STAC2: variants seen among roughly 807,000 people sequenced by gnomAD.
STAC2 encodes the protein SH3 and cysteine rich domain 2, also known as SH3 and cysteine-rich domain-containing protein 2.
STAC2 carries 36 observed loss-of-function variants against 49.0 expected under a neutral mutation model. The observed-to-expected ratio is 0.74, with a 90% CI of 0.56 to 0.97. The LOEUF (loss-of-function observed/expected upper bound fraction) is 0.97, where lower values mean the gene tolerates loss of function less well. STAC2 is among the 50% of genes least tolerant of loss of function. The pLI, the probability that STAC2 is intolerant of heterozygous loss-of-function variation, is 0.00. For synonymous variants in STAC2, 239 were observed against 214.7 expected (o/e 1.11, Z -0.99); for missense variants, 527 against 543.8 (o/e 0.97, Z 0.31).
chr17:39,224,363 G>A (rs954656155), intron 1 of STAC2, among the ~76,000 whole-genome samples: 7 of 152,196 alleles, frequency 4.6e-5, no homozygotes, highest in African/African-American at 1.7e-4. Context: ...CTGGGAGGTG[G>A]CAGGGCGCGC....
chr17:39,222,189 G>C (rs1342975572), intron 1 of STAC2, among the ~76,000 whole-genome samples: 1 of 152,120 alleles, frequency 6.6e-6, no homozygotes. Flanking sequence ...TGTTTCCATA[G>C]TAATCCTCAT....
At chr17:39,216,928 T>C (rs2144240160) in intron 3 of STAC2, 28 bp from the exon 4 acceptor site, 1 of 1,587,216 alleles carries the variant, frequency 6.3e-7, no homozygotes. Context: ...AGAGAGGTTT[T>C]GAGGAGGTCA....
rs558471759 is a variant in STAC2, at chr17:39,215,100, C to G, written c.699+18G>C. The G allele has an allele frequency of 2.5e-6, 4 of 1,614,084 alleles. No homozygotes were observed. The highest frequency in any genetic ancestry group is 2.5e-6 in the Non-Finnish European group (3 of 1,180,024). ...AGACACCCCTCCCCAAAAGACCCCC[C>G]CTTTTTGCCCACCATACCAGGCTCC... On this transcript the variant is annotated intron_variant, in intron 5 of 10. Coordinates refer to ENST00000333461, the MANE Select transcript of STAC2 (RefSeq NM_198993.5).
chr17:39,221,067 A>G (rs1364219240), intron 1 of STAC2, among the ~76,000 whole-genome samples: 4 of 151,372 alleles, frequency 2.6e-5, no homozygotes, highest in Non-Finnish European at 5.9e-5. Context: ...AAGTGCTAGG[A>G]TTACAGGCGT....
intron 9 of STAC2, 29 bp from the exon 10 acceptor site, chr17:39,213,161 G>T (rs538672427): frequency 1.2e-6 from 2 of 1,601,364 alleles, no homozygotes; most frequent in Non-Finnish European, 1.7e-6. Flanking sequence ...ATGAACACCC[G>T]CGCCACACCC....
intron 9 of STAC2, 88 bp downstream of exon 9, chr17:39,213,419 G>A: frequency 6.6e-7 from 1 of 1,515,238 alleles, no homozygotes; most frequent in Non-Finnish European, 9.0e-7. Context: ...TTTGGGGCCT[G>A]GAGAGAAGGT....
chr17:39,220,953 C>T (rs1483996975), intron 1 of STAC2, among the ~76,000 whole-genome samples: 26 of 151,404 alleles, frequency 1.7e-4, no homozygotes, highest in Non-Finnish European at 3.4e-4. Context: ...CCCGCCACCA[C>T]GCCTGGCTAA....
At chr17:39,213,643 A>G in intron 8 of STAC2, 85 bp from the exon 9 acceptor site, 1 of 1,178,370 alleles carries the variant, frequency 8.5e-7, no homozygotes, top group African/African-American at 1.6e-5. Context: ...CCTGGGGGAC[A>G]CTGCAGTCCT....
chr17:39,213,138 G>T lies in STAC2; in HGVS notation c.994-6C>A. On this transcript the variant is annotated splice_region_variant and splice_polypyrimidine_tract_variant and intron_variant, in intron 9 of 10. Transcript: ENST00000333461. ...ACCCGGTCGCCGATCTTGCCCTGGG[G>T]ATGAGGTTGGCAATGAACACCCGCG... 6.2e-7 allele frequency: 1 copy of T among 1,605,464 alleles called. No individual in the cohort carries two copies. Among genetic ancestry groups the T allele is most frequent in the Non-Finnish European group, 8.5e-7 (1 of 1,179,974 alleles).
At chr17:39,213,208 G>T in intron 9 of STAC2, 76 bp from the exon 10 acceptor site, 1 of 1,578,690 alleles carries the variant, frequency 6.3e-7, no homozygotes, top group Non-Finnish European at 8.6e-7. Flanking sequence ...TCCAGACCCG[G>T]TTCCCACTCA....
chr17:39,214,293 A>T lies in STAC2; in HGVS notation c.881T>A (p.Met294Lys). ...KATLRKDVGP[M>K]YSYVALYKFL... Reference sequence around the variant, plus strand: ...CTTGTAGAGTGCAACGTAGGAGTACATGGGCCCCACATCCTTCCGCAGGGT... The same window carrying T: ...CTTGTAGAGTGCAACGTAGGAGTACTTGGGCCCCACATCCTTCCGCAGGGT... Residue 294 changes from methionine to lysine, a missense_variant, in exon 8 of 11, where the codon ATG becomes AAG. Met to Lys is a moderately conservative substitution (Grantham distance 95). Transcript: ENST00000333461. 3 of 1,614,078 alleles carry T rather than the reference A, an allele frequency of 1.9e-6. No individual in the cohort carries two copies. The highest frequency in any genetic ancestry group is 2.5e-6 in the Non-Finnish European group (3 of 1,179,966).
At chr17:39,215,095 C>G (rs771067558) in intron 5 of STAC2, 23 bp downstream of exon 5, 3 of 1,613,740 alleles carry the variant, frequency 1.9e-6, no homozygotes, top group Admixed American at 1.7e-5. Context: ...CCCCAAAAGA[C>G]CCCCCCTTTT....
rs777966874 is a variant in STAC2 at position 39,214,284 on chromosome 17, T to C, written c.890A>G (p.Tyr297Cys). Residue 297 changes from tyrosine to cysteine, a missense_variant, in exon 8 of 11, where the codon TAC (tyrosine) becomes TGC (cysteine). Coordinates refer to ENST00000333461, the MANE Select transcript of STAC2 (RefSeq NM_198993.5). ...LRKDVGPMYS[Y>C]VALYKFLPQE... ...GGGCAGAAACTTGTAGAGTGCAACG[T>C]AGGAGTACATGGGCCCCACATCCTT... The C allele has an allele frequency of 3.7e-6, 6 of 1,613,956 alleles. No homozygotes were observed. The Admixed American group carries it at 8.3e-5, about 22-fold the overall frequency.
At chr17:39,215,082 C>T (rs370323591) in intron 5 of STAC2, 36 bp downstream of exon 5, 11 of 1,613,904 alleles carry the variant, frequency 6.8e-6, no homozygotes, top group Admixed American at 1.7e-5. Context: ...CTCAGACACC[C>T]CTCCCCAAAA....
In STAC2 at chr17:39,215,247, C is replaced by T; in HGVS notation, c.587-17G>A. 1 of 1,613,220 alleles carries T rather than the reference C, an allele frequency of 6.2e-7. No homozygotes were observed. Among genetic ancestry groups the T allele is most frequent in the Non-Finnish European group, 8.5e-7 (1 of 1,179,352 alleles). On this transcript the variant is annotated splice_polypyrimidine_tract_variant and intron_variant, in intron 4 of 10. Transcript: ENST00000333461. ...CACTGTCCCCTGCAGATTATCCACC[C>T]TCAAGGCCTGGCTCTGCCTCAAAGC...
At chr17:39,214,355 G>A (rs758713123) in intron 7 of STAC2, 25 bp from the exon 8 acceptor site, 1 of 1,613,422 alleles carries the variant, frequency 6.2e-7, no homozygotes, top group Non-Finnish European at 8.5e-7. Context: ...CTGGGTCGGT[G>A]ACCGGAAAGC....
intron 8 of STAC2, 24 bp downstream of exon 8, chr17:39,214,209 G>A: frequency 6.2e-7 from 1 of 1,612,842 alleles, no homozygotes; most frequent in Non-Finnish European, 8.5e-7. Context: ...TGCCCAGCGG[G>A]GCCAGGTCAC....
intron 5 of STAC2, 36 bp downstream of exon 5, chr17:39,215,082 C>G (rs370323591): frequency 6.2e-7 from 1 of 1,614,022 alleles, no homozygotes. Flanking sequence ...CTCAGACACC[C>G]CTCCCCAAAA....
chr17:39,214,377 T>TC (rs1162697017), intron 7 of STAC2, 47 bp from the exon 8 acceptor site: 15 of 1,609,410 alleles, frequency 9.3e-6, no homozygotes, highest in African/African-American at 1.3e-5. Flanking sequence ...GCACCCTCAC[T>TC]CCCCCCACTC....
Sources: allele counts gnomAD v4.1 joint callset (sites outside exome capture counted in the v4.1 genomes callset), GRCh38; gene constraint gnomAD v4.1.1; transcripts MANE v1.5; gene names NCBI Gene and HGNC (gene_info 2026-07-23, HGNC 2026-07-21).